NAALADL2: variants seen among roughly 807,000 people sequenced by gnomAD.
The protein encoded by NAALADL2 is N-acetylated alpha-linked acidic dipeptidase like 2, also known as inactive N-acetylated-alpha-linked acidic dipeptidase-like protein 2.
In NAALADL2, 76 loss-of-function variants were observed where a neutral mutation model predicts 87.2. The ratio of observed to expected loss-of-function variants is 0.87; its 90% CI spans 0.72 to 1.05. The LOEUF is 1.05. Among genes scored for constraint, NAALADL2 ranks in the 50% least tolerant of loss-of-function variants. The probability of loss-of-function intolerance (pLI) is 0.00; values close to 1 mark genes in which losing one functional copy is unlikely to be tolerated. For synonymous variants in NAALADL2, 354 were observed against 331.0 expected (o/e 1.07, Z -0.75); for missense variants, 1,089 against 945.8 (o/e 1.15, Z -1.99).
chr3:175,034,854 A>G (rs568008069), intron 1 of NAALADL2, among the ~76,000 whole-genome samples: 21 of 152,304 alleles, frequency 1.4e-4, no homozygotes, highest in Admixed American at 1.2e-3. Context: ...GTAAGCATTC[A>G]GTAAGTGTTA....
intron 2 of NAALADL2, among the ~76,000 whole-genome samples, chr3:175,141,428 G>A (rs758805941): frequency 5.3e-5 from 8 of 152,018 alleles, no homozygotes; most frequent in Non-Finnish European, 1.2e-4. Context: ...TGAATATGTA[G>A]TCTACATGGT....
At chr3:175,696,920 A>C (rs1181959181) in intron 11 of NAALADL2, among the ~76,000 whole-genome samples, 2 of 152,096 alleles carry the variant, frequency 1.3e-5, no homozygotes, top group Admixed American at 1.3e-4. Flanking sequence ...CCAACTCCTT[A>C]CTAACCCACT....
chr3:175,483,019 A>G (rs949988026), intron 9 of NAALADL2, among the ~76,000 whole-genome samples: 1 of 151,992 alleles, frequency 6.6e-6, no homozygotes, highest in Non-Finnish European at 1.5e-5. Context: ...TAAAATAAAC[A>G]TACCTGAATA....
intron 11 of NAALADL2, among the ~76,000 whole-genome samples, chr3:175,705,344 A>G (rs1739533862): frequency 6.6e-6 from 1 of 152,146 alleles, no homozygotes; most frequent in African/African-American, 2.4e-5. Context: ...ATATATGACT[A>G]GTTGGATTTT....
intron 4 of NAALADL2, among the ~76,000 whole-genome samples, chr3:175,287,485 G>A (rs558812647): frequency 6.6e-6 from 1 of 152,218 alleles, no homozygotes; most frequent in African/African-American, 2.4e-5. Flanking sequence ...ATTGAAGGAG[G>A]TACAGTGAGC....
intron 1 of NAALADL2, among the ~76,000 whole-genome samples, chr3:174,884,981 G>A (rs73045467): frequency 0.026 from 3,905 of 152,172 alleles, 148 homozygotes; most frequent in African/African-American, 0.083. Flanking sequence ...GCAGCACAGT[G>A]TTTATCTCCT....
At chr3:175,336,051 C>A (rs533998535) in intron 5 of NAALADL2, among the ~76,000 whole-genome samples, 2 of 152,054 alleles carry the variant, frequency 1.3e-5, no homozygotes, top group Admixed American at 6.6e-5. Context: ...TACGTGCATA[C>A]CCCTCCATAT....
At chr3:174,780,438 T>C (rs1018090046) in intron 3 of NAALADL2, among the ~76,000 whole-genome samples, 2 of 152,166 alleles carry the variant, frequency 1.3e-5, no homozygotes, top group Non-Finnish European at 2.9e-5. Flanking sequence ...ACAGAGACAA[T>C]TTGACCTCCT....
upstream of NAALADL2, among the ~76,000 whole-genome samples, chr3:174,857,894 C>T (rs1330333781): frequency 6.6e-6 from 1 of 151,776 alleles, no homozygotes; most frequent in Non-Finnish European, 1.5e-5. Context: ...GTCATGTTTG[C>T]CTTTATTTCT....
At chr3:175,742,494 T>G (rs1745368434) in intron 12 of NAALADL2, among the ~76,000 whole-genome samples, 2 of 103,104 alleles carry the variant, frequency 1.9e-5, no homozygotes, top group African/African-American at 4.5e-5. Context: ...GCCTCCCGGG[T>G]TCACGCCATT....
At chr3:174,670,159 C>T (rs1249486963) in intron 2 of NAALADL2, among the ~76,000 whole-genome samples, 3 of 151,818 alleles carry the variant, frequency 2.0e-5, no homozygotes, top group Non-Finnish European at 4.4e-5. Flanking sequence ...GAGTTTTGTA[C>T]GTATAAGATC....
intron 9 of NAALADL2, among the ~76,000 whole-genome samples, chr3:175,499,840 G>A (rs59416599): frequency 0.032 from 4,866 of 152,024 alleles, 284 homozygotes; most frequent in African/African-American, 0.11. Flanking sequence ...AGCCTGCTAT[G>A]TATTTTCTTT....
chr3:175,091,655 C>T (rs945013531), intron 1 of NAALADL2, among the ~76,000 whole-genome samples: 1 of 151,948 alleles, frequency 6.6e-6, no homozygotes, highest in African/African-American at 2.4e-5. Flanking sequence ...CTACAACAAA[C>T]ATTTGTAACT....
chr3:175,405,589 CTAATA>C (rs971266870), intron 5 of NAALADL2, among the ~76,000 whole-genome samples: 9 of 151,950 alleles, frequency 5.9e-5, no homozygotes, highest in Non-Finnish European at 1.0e-4. Context: ...TATTTTCTTT[CTAATA>C]TATTTTCTTT....
At chr3:174,646,066 A>T (rs1438437951) in intron 2 of NAALADL2, among the ~76,000 whole-genome samples, 1 of 152,204 alleles carries the variant, frequency 6.6e-6, no homozygotes, top group East Asian at 1.9e-4. Flanking sequence ...AGAAAGTTAT[A>T]ATGTGGTCTT....
At chr3:175,391,732 T>A (rs1769100996) in intron 5 of NAALADL2, among the ~76,000 whole-genome samples, 2 of 152,146 alleles carry the variant, frequency 1.3e-5, no homozygotes, top group Non-Finnish European at 2.9e-5. Flanking sequence ...GGTGGAGACT[T>A]GTTATATGGC....
chr3:175,553,821 A>G (rs1714831051), intron 9 of NAALADL2, among the ~76,000 whole-genome samples: 1 of 151,478 alleles, frequency 6.6e-6, no homozygotes, highest in Admixed American at 6.6e-5. Context: ...ATCAGTATTG[A>G]TTAATTTATT....
chr3:174,733,028 A>G (rs906933545), intron 2 of NAALADL2, among the ~76,000 whole-genome samples: 2 of 152,166 alleles, frequency 1.3e-5, no homozygotes, highest in Non-Finnish European at 2.9e-5. Context: ...AAGTCTATGT[A>G]TAGAGAAAAA....
chr3:175,701,327 G>A (rs183960387), intron 11 of NAALADL2, among the ~76,000 whole-genome samples: 66 of 152,184 alleles, frequency 4.3e-4, no homozygotes, highest in Admixed American at 7.2e-4. Context: ...AAGTCTGGCT[G>A]TTTTCAGTTG....
Sources: gnomAD v4.1 joint callset for allele counts (sites outside exome capture counted in the v4.1 genomes callset) on GRCh38, gnomAD v4.1.1 for gene constraint, MANE v1.5 for transcripts, NCBI Gene and HGNC (gene_info 2026-07-23, HGNC 2026-07-21) for gene names.